Variants in MAGI1 observed in about 807,000 individuals in gnomAD.
MAGI1 encodes membrane-associated guanylate kinase, WW and PDZ domain-containing protein 1.
MAGI1 carries 58 observed loss-of-function variants against 139.9 expected under a neutral mutation model. The ratio of observed to expected loss-of-function variants is 0.41; its 90% confidence interval spans 0.34 to 0.52. MAGI1 has a LOEUF of 0.52. MAGI1 is among the 20% of genes least tolerant of loss of function. The pLI, the probability that MAGI1 is intolerant of heterozygous loss-of-function variation, is 0.12. For synonymous variants in MAGI1, 812 were observed against 737.9 expected, an observed-to-expected ratio of 1.10 and a Z score of -1.63; for missense variants, 1,874 against 1,901.6, an observed-to-expected ratio of 0.99 and a Z score of 0.27.
At chr3:65,623,332 A>C (rs2107078546) in intron 1 of MAGI1, among the ~76,000 whole-genome samples, 1 of 152,294 alleles carries the variant, frequency 6.6e-6, no homozygotes, top group Middle Eastern at 3.4e-3. Flanking sequence ...TCTACACTTA[A>C]GAGAACAAAA....
Position 65,706,234 on chromosome 3 carries a change from T to G in MAGI1, c.314-84146A>C, listed in dbSNP as rs559869218. On this transcript the variant is annotated intron_variant, in intron 1 of 22. Transcript: ENST00000402939. ...TAAAACAAAATAATCTTTACCAAAT[T>G]GATGCTTCTGTCTGAAAGGACCAAA... Among the ~76,000 whole-genome samples the G allele has an allele frequency of 3.7e-4, 57 of 152,346 alleles. 1 individual carries two copies. In the South Asian group the frequency reaches 0.011, roughly 29 times the overall value.
At chr3:66,020,758 C>A (rs1389568687) in intron 1 of MAGI1, among the ~76,000 whole-genome samples, 9 of 152,130 alleles carry the variant, frequency 5.9e-5, no homozygotes, top group African/African-American at 2.2e-4. Flanking sequence ...CGGGGTAACA[C>A]AGAGTCTCCC....
intron 1 of MAGI1, among the ~76,000 whole-genome samples, chr3:65,826,070 T>A (rs1006975690): frequency 6.6e-6 from 1 of 152,142 alleles, no homozygotes; most frequent in Non-Finnish European, 1.5e-5. Context: ...AGTAGTTGTA[T>A]ATATGTGTAG....
chr3:65,640,538 C>T (rs1361719114), intron 1 of MAGI1, among the ~76,000 whole-genome samples: 1 of 152,142 alleles, frequency 6.6e-6, no homozygotes, highest in African/African-American at 2.4e-5. Flanking sequence ...ACAAAGCTCC[C>T]TCCCAGCTAA....
At chr3:65,862,383 A>C (rs1483402997) in intron 1 of MAGI1, among the ~76,000 whole-genome samples, 1 of 152,100 alleles carries the variant, frequency 6.6e-6, no homozygotes, top group African/African-American at 2.4e-5. Context: ...TAATCTAATT[A>C]CTCATGCCTT....
At chr3:65,425,589 C>T (rs190897330) in intron 12 of MAGI1, among the ~76,000 whole-genome samples, 52 of 152,276 alleles carry the variant, frequency 3.4e-4, no homozygotes, top group East Asian at 3.1e-3. Context: ...CAGAAGCTTA[C>T]GGGCAGAGTT....
intron 1 of MAGI1, among the ~76,000 whole-genome samples, chr3:65,974,355 A>ATGGG (rs1375777751): frequency 2.4e-4 from 3 of 12,478 alleles, no homozygotes; most frequent in Admixed American, 1.0e-3. Context: ...GGAGGAGTGG[A>ATGGG]TGGATGGATG....
chr3:66,008,362 C>A (rs191299375), intron 1 of MAGI1, among the ~76,000 whole-genome samples: 91 of 152,328 alleles, frequency 6.0e-4, no homozygotes, highest in African/African-American at 2.1e-3. Flanking sequence ...GGGCCCTACA[C>A]CATCTGGTGA....
At chr3:65,534,949 T>C (rs1293441419) in intron 2 of MAGI1, among the ~76,000 whole-genome samples, 3 of 151,978 alleles carry the variant, frequency 2.0e-5, no homozygotes, top group Admixed American at 6.6e-5. Flanking sequence ...AGGATAGAGA[T>C]TGAATGGAGG....
chr3:65,771,693 A>G (rs2037966944), intron 1 of MAGI1, among the ~76,000 whole-genome samples: 1 of 152,186 alleles, frequency 6.6e-6, no homozygotes, highest in South Asian at 2.1e-4. Context: ...AAATTTTGAA[A>G]CCTTTAATAA....
intron 1 of MAGI1, among the ~76,000 whole-genome samples, chr3:65,768,854 G>C (rs1308117856): frequency 4.6e-5 from 7 of 152,108 alleles, no homozygotes; most frequent in Non-Finnish European, 1.0e-4. Flanking sequence ...TGTTTAAGAA[G>C]ATAAAAACTG....
intron 1 of MAGI1, among the ~76,000 whole-genome samples, chr3:65,652,100 A>G (rs761419252): frequency 9.7e-4 from 147 of 152,206 alleles, no homozygotes; most frequent in Non-Finnish European, 1.6e-3. Context: ...AGAAATGGTT[A>G]AAATGAGTTT....
At chr3:65,461,806 T>C (rs1003739535) in intron 5 of MAGI1, among the ~76,000 whole-genome samples, 1 of 152,222 alleles carries the variant, frequency 6.6e-6, no homozygotes, top group African/African-American at 2.4e-5. Context: ...GACTTTTTAA[T>C]GATTGCCATT....
intron 12 of MAGI1, chr3:65,401,707 A>C: frequency 6.6e-7 from 1 of 1,515,818 alleles, no homozygotes; most frequent in Middle Eastern, 1.7e-4. Context: ...CTTGTACTGC[A>C]GCAGCCTGGA....
intron 14 of MAGI1, among the ~76,000 whole-genome samples, chr3:65,390,803 G>C (rs74738799): frequency 1.3e-5 from 2 of 152,210 alleles, no homozygotes; most frequent in East Asian, 3.8e-4. Flanking sequence ...TTGCATATCA[G>C]ATTTGTGCTC....
Position 65,435,501 on chromosome 3 carries a change from T to TGGATGGATGGAA in MAGI1, c.1363+1653_1363+1654insTTCCATCCATCC, listed in dbSNP as rs1255957912. Among the ~76,000 whole-genome samples, 19 of 151,778 alleles carry TGGATGGATGGAA rather than the reference T, an allele frequency of 1.3e-4. 1 individual carries two copies. The highest frequency in any genetic ancestry group is 4.6e-4 in the African/African-American group (19 of 41,412). On this transcript the variant is annotated intron_variant, in intron 10 of 22. Transcript: ENST00000402939. ...ATGGATGGATGGATGGATGGATGGATGGAAGATGGATGGATACTGTTTCAC... is the reference window on the plus strand; with the variant it reads ...ATGGATGGATGGATGGATGGATGGATGGATGGATGGAAGGAAGATGGATGGATACTGTTTCAC...
intron 1 of MAGI1, among the ~76,000 whole-genome samples, chr3:65,674,717 T>C (rs1380315175): frequency 6.6e-6 from 1 of 152,180 alleles, no homozygotes; most frequent in Non-Finnish European, 1.5e-5. Flanking sequence ...GGTTTGAAGG[T>C]TGCCCACTAT....
At chr3:65,767,126 T>G (rs2037551804) in intron 1 of MAGI1, among the ~76,000 whole-genome samples, 1 of 152,146 alleles carries the variant, frequency 6.6e-6, no homozygotes, top group African/African-American at 2.4e-5. Flanking sequence ...TCTGTCTGGC[T>G]AGCATGAACT....
At chr3:65,500,789 C>G (rs898382587) in intron 2 of MAGI1, among the ~76,000 whole-genome samples, 2 of 152,200 alleles carry the variant, frequency 1.3e-5, no homozygotes, top group African/African-American at 4.8e-5. Context: ...TGTCAATATT[C>G]CATGATATCA....
Sources: allele counts gnomAD v4.1 joint callset (sites outside exome capture counted in the v4.1 genomes callset), GRCh38; gene constraint gnomAD v4.1.1; transcripts MANE v1.5; gene names NCBI Gene and HGNC (gene_info 2026-07-23, HGNC 2026-07-21).